TNFSF4: variants seen among roughly 807,000 people sequenced by gnomAD.
TNFSF4 encodes the protein tumor necrosis factor ligand superfamily member 4.
Under a neutral mutation model 7.3 loss-of-function variants are expected in TNFSF4, and 4 were observed. The observed-to-expected ratio is 0.55, with a 90% CI of 0.27 to 1.25. The LOEUF (loss-of-function observed/expected upper bound fraction) is 1.25, where lower values mean the gene tolerates loss of function less well. Among genes scored for constraint, TNFSF4 ranks in the 50% most tolerant of loss-of-function variants. The pLI is 0.12. For synonymous variants in TNFSF4, 76 were observed against 83.7 expected (o/e 0.91, Z 0.50); for missense variants, 181 against 208.8 (o/e 0.87, Z 0.82).
chr1:173,375,139 G>A, the TNFSF4 span, among the ~76,000 whole-genome samples: 5 of 152,046 alleles, frequency 3.3e-5, no homozygotes, highest in South Asian at 2.1e-4. Flanking sequence ...ACTCGCCTTC[G>A]GATCCTGTAT....
At chr1:173,314,938 G>T in the TNFSF4 span, among the ~76,000 whole-genome samples, 3 of 152,076 alleles carry the variant, frequency 2.0e-5, no homozygotes, top group African/African-American at 7.2e-5. Flanking sequence ...ACAGTTAAAT[G>T]GTAGGAGAAG....
chr1:173,243,042 T>G, the TNFSF4 span, among the ~76,000 whole-genome samples: 3 of 129,834 alleles, frequency 2.3e-5, no homozygotes, highest in South Asian at 2.6e-4. Context: ...ACCAAGCTTG[T>G]GGCACATTCC....
the TNFSF4 span, among the ~76,000 whole-genome samples, chr1:173,367,949 A>G: frequency 6.6e-6 from 1 of 152,144 alleles, no homozygotes; most frequent in Non-Finnish European, 1.5e-5. Flanking sequence ...AGAGGCACCA[A>G]TCAGCACTCT....
the TNFSF4 span, among the ~76,000 whole-genome samples, chr1:173,447,953 A>G: frequency 6.6e-6 from 1 of 152,192 alleles, no homozygotes; most frequent in Admixed American, 6.5e-5. Flanking sequence ...CCATACAAAC[A>G]CTAATCGAAA....
At chr1:173,220,257 A>C in the TNFSF4 span, among the ~76,000 whole-genome samples, 1 of 152,172 alleles carries the variant, frequency 6.6e-6, no homozygotes. Context: ...AGGGCTCAGA[A>C]TATTTCTCTT....
the TNFSF4 span, among the ~76,000 whole-genome samples, chr1:173,278,197 A>T: frequency 4.6e-5 from 7 of 152,054 alleles, no homozygotes; most frequent in African/African-American, 1.7e-4. Flanking sequence ...ACATTCTCCC[A>T]TTTTGTGCAT....
At chr1:173,429,409 G>A in the TNFSF4 span, among the ~76,000 whole-genome samples, 1 of 152,192 alleles carries the variant, frequency 6.6e-6, no homozygotes, top group African/African-American at 2.4e-5. Flanking sequence ...CATCTGTTAG[G>A]TGCTAAATAA....
the TNFSF4 span, among the ~76,000 whole-genome samples, chr1:173,263,893 C>T: frequency 6.6e-6 from 1 of 152,140 alleles, no homozygotes; most frequent in African/African-American, 2.4e-5. Flanking sequence ...CTGGGGAAAT[C>T]CTGAAGGGAG....
At chr1:173,450,037 T>A in the TNFSF4 span, among the ~76,000 whole-genome samples, 144,645 of 152,202 alleles carry the variant, frequency 0.95, 69,213 homozygotes, top group East Asian at 1. Context: ...ACCTCTAGCC[T>A]GGATGACCAA....
chr1:173,321,863 G>A, the TNFSF4 span, among the ~76,000 whole-genome samples: 1 of 152,200 alleles, frequency 6.6e-6, no homozygotes, highest in Non-Finnish European at 1.5e-5. Flanking sequence ...TACACTCTTG[G>A]TAGGAGTGTA....
At chr1:173,328,708 C>T in the TNFSF4 span, among the ~76,000 whole-genome samples, 1 of 151,818 alleles carries the variant, frequency 6.6e-6, no homozygotes, top group East Asian at 1.9e-4. Context: ...ATAAATAAAA[C>T]TGCTAGACGA....
At chr1:173,175,495 AT>A in the TNFSF4 span, 1 of 152,002 alleles carries the variant, frequency 6.6e-6, no homozygotes, top group Non-Finnish European at 1.5e-5. Flanking sequence ...CCATTCCTTG[AT>A]TTTTTTCTCT....
At chr1:173,322,499 G>C in the TNFSF4 span, among the ~76,000 whole-genome samples, 32 of 152,232 alleles carry the variant, frequency 2.1e-4, no homozygotes, top group African/African-American at 7.2e-4. Flanking sequence ...TCCAACTGAG[G>C]TACCGGGTTC....
the TNFSF4 span, among the ~76,000 whole-genome samples, chr1:173,415,299 T>A: frequency 6.6e-6 from 1 of 152,208 alleles, no homozygotes; most frequent in Non-Finnish European, 1.5e-5. Context: ...TGGTGCACTG[T>A]CAAGAGGCAA....
the TNFSF4 span, among the ~76,000 whole-genome samples, chr1:173,284,722 A>G: frequency 6.6e-6 from 1 of 152,188 alleles, no homozygotes; most frequent in Non-Finnish European, 1.5e-5. Context: ...AAATGGAACA[A>G]CAAAGGCTGA....
the TNFSF4 span, among the ~76,000 whole-genome samples, chr1:173,364,310 A>T: frequency 0.63 from 91,912 of 146,600 alleles, 29,051 homozygotes; most frequent in Admixed American, 0.68. Flanking sequence ...TAAGTATTTC[A>T]TCATCTTGTT....
the TNFSF4 span, among the ~76,000 whole-genome samples, chr1:173,364,189 A>C: frequency 6.8e-6 from 1 of 146,922 alleles, no homozygotes; most frequent in Non-Finnish European, 1.5e-5. Flanking sequence ...ATTTAATTAT[A>C]CTATATCTAT....
At chr1:173,242,569 T>C in the TNFSF4 span, among the ~76,000 whole-genome samples, 109 of 152,322 alleles carry the variant, frequency 7.2e-4, no homozygotes, top group East Asian at 0.02. Flanking sequence ...CAAGGGATTT[T>C]GCAAGCATGA....
chr1:173,291,634 G>C, the TNFSF4 span, among the ~76,000 whole-genome samples: 1 of 152,034 alleles, frequency 6.6e-6, no homozygotes, highest in Admixed American at 6.6e-5. Context: ...CTTAAGAAAA[G>C]AAGTAGCCAA....
Sources: allele counts gnomAD v4.1 joint callset (sites outside exome capture counted in the v4.1 genomes callset), GRCh38; gene constraint gnomAD v4.1.1; transcripts MANE v1.5; gene names NCBI Gene and HGNC (gene_info 2026-07-23, HGNC 2026-07-21).